Variants in TBL1XR1 observed in about 807,000 individuals in gnomAD.
TBL1XR1 encodes the protein F-box-like/WD repeat-containing protein TBL1XR1.
In TBL1XR1, 5 loss-of-function variants were observed where a neutral mutation model predicts 66.9. The ratio of observed to expected loss-of-function variants is 0.07; its 90% confidence interval spans 0.04 to 0.16. The LOEUF is 0.16. TBL1XR1 is among the 10% of genes least tolerant of loss of function. TBL1XR1 has a pLI of 1.00. For missense variants in TBL1XR1, 238 were observed against 623.2 expected (o/e 0.38, Z 6.58); for synonymous variants, 210 against 206.0 (o/e 1.02, Z -0.17).
Position 177,028,770 on chromosome 3 carries a change from AAC to A in TBL1XR1, c.1417-2298_1417-2297del, listed in dbSNP as rs1713519364. On this transcript the variant is annotated intron_variant, in intron 14 of 15. Transcript: ENST00000457928. ...ATGACTAAAGTGGCAAGAACAGAAA[AAC>A]AGTTTTGAAGAATAACAACAAGAGG... Among the ~76,000 whole-genome samples the A allele has an allele frequency of 5.3e-5, 8 of 152,340 alleles. No individual in the cohort carries two copies. The South Asian group carries it at 1.7e-3, about 32-fold the overall frequency.
At chr3:177,139,082 G>A (rs1729325768) in intron 1 of TBL1XR1, among the ~76,000 whole-genome samples, 3 of 152,200 alleles carry the variant, frequency 2.0e-5, no homozygotes, top group Non-Finnish European at 4.4e-5. Context: ...AAAGGTGCAA[G>A]AGGAACATAC....
At chr3:177,030,253 G>A (rs980915188) in intron 14 of TBL1XR1, among the ~76,000 whole-genome samples, 1 of 151,246 alleles carries the variant, frequency 6.6e-6, no homozygotes, top group African/African-American at 2.4e-5. Context: ...CCCCCAATAG[G>A]AAAATAAATT....
chr3:177,075,891 G>A (rs1438116695), intron 2 of TBL1XR1, among the ~76,000 whole-genome samples: 1 of 152,144 alleles, frequency 6.6e-6, no homozygotes. Context: ...CCCTCTGAAG[G>A]TGTGCTAAGG....
At chr3:177,107,017 A>C (rs1189194331) in intron 1 of TBL1XR1, among the ~76,000 whole-genome samples, 1 of 152,250 alleles carries the variant, frequency 6.6e-6, no homozygotes, top group Non-Finnish European at 1.5e-5. Context: ...GTGATAATGA[A>C]CACCTTCTAA....
At chr3:177,088,182 T>G (rs1273594712) in intron 2 of TBL1XR1, among the ~76,000 whole-genome samples, 1 of 152,188 alleles carries the variant, frequency 6.6e-6, no homozygotes, top group Non-Finnish European at 1.5e-5. Flanking sequence ...CTATCACAGT[T>G]AATATAAATT....
At chr3:177,042,104 T>G (rs1251199094) in intron 10 of TBL1XR1, among the ~76,000 whole-genome samples, 5 of 152,230 alleles carry the variant, frequency 3.3e-5, no homozygotes, top group African/African-American at 1.2e-4. Context: ...CCATGGAACC[T>G]AATTCAGTAA....
intron 1 of TBL1XR1, among the ~76,000 whole-genome samples, chr3:177,128,221 G>GA (rs1018283704): frequency 2.0e-5 from 3 of 150,000 alleles, no homozygotes; most frequent in Non-Finnish European, 3.0e-5. Flanking sequence ...TCCGTCTCAG[G>GA]AAAAAAAGAC....
intron 1 of TBL1XR1, among the ~76,000 whole-genome samples, chr3:177,141,989 T>C (rs927476340): frequency 2.6e-5 from 4 of 152,240 alleles, no homozygotes; most frequent in Non-Finnish European, 4.4e-5. Flanking sequence ...ATAAGGTACC[T>C]ATAATACTCA....
chr3:177,146,607 A>AAAAAAAG (rs1230752188), intron 1 of TBL1XR1, among the ~76,000 whole-genome samples: 1 of 149,338 alleles, frequency 6.7e-6, no homozygotes, highest in Non-Finnish European at 1.5e-5. Flanking sequence ...AAAAAAAAAA[A>AAAAAAAG]GTTGTATTCA....
intron 9 of TBL1XR1, 58 bp from the exon 10 acceptor site, chr3:177,046,247 T>G (rs936874266): frequency 7.9e-7 from 1 of 1,261,740 alleles, no homozygotes; most frequent in Non-Finnish European, 1.1e-6. Flanking sequence ...CATACATGTG[T>G]AAAGTATATG....
At chr3:177,166,336 A>G (rs941440451) in intron 1 of TBL1XR1, among the ~76,000 whole-genome samples, 6 of 152,218 alleles carry the variant, frequency 3.9e-5, no homozygotes, top group African/African-American at 1.4e-4. Context: ...ATAGGCCAAG[A>G]ATATTAAACA....
chr3:177,079,116 T>C (rs1000316026), intron 2 of TBL1XR1, among the ~76,000 whole-genome samples: 7 of 151,898 alleles, frequency 4.6e-5, no homozygotes, highest in African/African-American at 1.7e-4. Context: ...GCTGATTATT[T>C]CTTGGGATGT....
intron 2 of TBL1XR1, among the ~76,000 whole-genome samples, chr3:177,097,161 T>TTCAG (rs1220735439): frequency 6.6e-6 from 1 of 152,224 alleles, no homozygotes; most frequent in Non-Finnish European, 1.5e-5. Flanking sequence ...TAGTTTTTCT[T>TTCAG]TCAGACTGAT....
chr3:177,035,599 A>T (rs1714668896), intron 12 of TBL1XR1, among the ~76,000 whole-genome samples: 1 of 152,080 alleles, frequency 6.6e-6, no homozygotes, highest in Non-Finnish European at 1.5e-5. Flanking sequence ...TATTTAGCAG[A>T]GATGGGGTTT....
intron 7 of TBL1XR1, among the ~76,000 whole-genome samples, chr3:177,048,361 G>A (rs1201721518): frequency 2.0e-5 from 3 of 152,160 alleles, no homozygotes; most frequent in East Asian, 3.8e-4. Flanking sequence ...CATTACTGGA[G>A]AATGAAATCC....
At chr3:177,036,577 G>T (rs1714817210) in intron 12 of TBL1XR1, among the ~76,000 whole-genome samples, 1 of 152,166 alleles carries the variant, frequency 6.6e-6, no homozygotes, top group South Asian at 2.1e-4. Flanking sequence ...CCTCATATGT[G>T]TCACACACAG....
chr3:177,033,090 T>C lies in TBL1XR1; in HGVS notation c.1297A>G (p.Ile433Val). The change falls in exon 14 of 16, where the codon ATA (isoleucine) becomes GTA (valine). Residue 433 changes from isoleucine to valine, a missense_variant. Physicochemically the swap from Ile to Val is conservative, Grantham distance 29 (BLOSUM62 3). Coordinates refer to ENST00000457928, the MANE Select transcript of TBL1XR1 (RefSeq NM_024665.7). ...TVRLWDVDRG[I>V]CIHTLTKHQE... ...TGTTTTGTCAAGGTATGGATGCATA[T>C]CCCTCGGTCTACATCCCATAACCTA... The C allele has an allele frequency of 1.9e-6, 3 of 1,603,746 alleles. No individual in the cohort carries two copies. Among genetic ancestry groups the C allele is most frequent in the Non-Finnish European group, 2.6e-6 (3 of 1,173,650 alleles).
At chr3:177,131,032 A>G (rs551104572) in intron 1 of TBL1XR1, among the ~76,000 whole-genome samples, 3 of 152,304 alleles carry the variant, frequency 2.0e-5, no homozygotes, top group Admixed American at 2.0e-4. Context: ...GAGGCTTATC[A>G]CGCAGTCAGT....
At chr3:177,170,583 G>A (rs1560257160) in intron 1 of TBL1XR1, among the ~76,000 whole-genome samples, 1 of 152,060 alleles carries the variant, frequency 6.6e-6, no homozygotes, top group East Asian at 1.9e-4. Flanking sequence ...AATCGGGTGG[G>A]GAGAAAAAGG....
Sources: allele counts gnomAD v4.1 joint callset (sites outside exome capture counted in the v4.1 genomes callset), GRCh38; gene constraint gnomAD v4.1.1; transcripts MANE v1.5; gene names NCBI Gene and HGNC (gene_info 2026-07-23, HGNC 2026-07-21).